FBXO4: variants seen among roughly 807,000 people sequenced by gnomAD.
FBXO4 encodes the protein F-box only protein 4.
In FBXO4, 36 loss-of-function variants were observed where a neutral mutation model predicts 43.7. The observed-to-expected ratio is 0.82, with a 90% CI of 0.63 to 1.09. FBXO4 has a LOEUF of 1.09. FBXO4 is among the 50% of genes least tolerant of loss of function. FBXO4 has a pLI of 0.00. For missense variants in FBXO4, 435 were observed against 474.1 expected (o/e 0.92, Z 0.77); for synonymous variants, 180 against 165.6 (o/e 1.09, Z -0.67).
intron 5 of FBXO4, among the ~76,000 whole-genome samples, chr5:41,936,036 A>G (rs930956562): frequency 1.3e-5 from 2 of 152,262 alleles, no homozygotes; most frequent in East Asian, 1.9e-4. Context: ...TACTGCATTA[A>G]TACCCTGACC....
the FBXO4 span, among the ~76,000 whole-genome samples, chr5:41,981,400 A>G: frequency 6.6e-6 from 1 of 151,692 alleles, no homozygotes; most frequent in African/African-American, 2.4e-5. Flanking sequence ...TAAATGGTAA[A>G]TTAAAAAAAA....
chr5:42,023,400 C>T, the FBXO4 span, among the ~76,000 whole-genome samples: 1 of 152,062 alleles, frequency 6.6e-6, no homozygotes, highest in Non-Finnish European at 1.5e-5. Context: ...GATGATTCCT[C>T]ACAACCATCA....
chr5:42,035,978 A>G, the FBXO4 span, among the ~76,000 whole-genome samples: 3 of 152,134 alleles, frequency 2.0e-5, no homozygotes, highest in Non-Finnish European at 2.9e-5. Context: ...TCTACCCACT[A>G]TTAATTTTGT....
chr5:41,992,260 T>C, the FBXO4 span, among the ~76,000 whole-genome samples: 1 of 152,192 alleles, frequency 6.6e-6, no homozygotes, highest in Admixed American at 6.5e-5. Flanking sequence ...AAGCAGTCAA[T>C]CCAAATCCTA....
the FBXO4 span, among the ~76,000 whole-genome samples, chr5:42,032,835 T>C: frequency 4.6e-5 from 7 of 152,158 alleles, no homozygotes; most frequent in African/African-American, 1.4e-4. Context: ...GCTGGCACTG[T>C]GCTGAGTCTC....
At chr5:42,017,076 A>G in the FBXO4 span, among the ~76,000 whole-genome samples, 1 of 152,078 alleles carries the variant, frequency 6.6e-6, no homozygotes, top group Admixed American at 6.6e-5. Flanking sequence ...TTCTTTTATT[A>G]TAGTATATCG....
rs770006829 is a variant in FBXO4 at position 41,934,303 on chromosome 5, A to C, written c.893A>C (p.His298Pro). 2.5e-6 allele frequency: 4 copies of C among 1,613,880 alleles called. No individual in the cohort carries two copies. The African/African-American group carries it at 4.0e-5, about 16-fold the overall frequency. The change falls in exon 5 of 7, where the codon CAT becomes CCT. Residue 298 changes from histidine (H) to proline (P), a missense_variant. Coordinates refer to ENST00000281623, the MANE Select transcript of FBXO4 (RefSeq NM_012176.3). ...ATCTATGTTGCAAATGCTGAAGCTC[A>C]TAAAAGTAAGTACTCATATGTACAT... is the stretch of plus-strand genomic sequence containing the variant. Reference protein sequence around the residue: ...GFIYVANAEAHKRHEWQDEFS... With the variant: ...GFIYVANAEAPKRHEWQDEFS...
At chr5:41,994,453 C>A in the FBXO4 span, among the ~76,000 whole-genome samples, 793 of 152,260 alleles carry the variant, frequency 5.2e-3, 9 homozygotes, top group African/African-American at 0.018. Context: ...TTCCCTTTGC[C>A]TTCAGCAAGC....
At chr5:41,985,063 C>A in the FBXO4 span, among the ~76,000 whole-genome samples, 2 of 152,176 alleles carry the variant, frequency 1.3e-5, no homozygotes, top group Non-Finnish European at 2.9e-5. Flanking sequence ...GATTGGACAA[C>A]AAAATCCTCT....
At chr5:41,925,643 C>A in intron 1 of FBXO4, 145 bp downstream of exon 1, 1 of 534,398 alleles carries the variant, frequency 1.9e-6, no homozygotes, top group Non-Finnish European at 2.9e-6. Flanking sequence ...GCAGTGTAGT[C>A]ACCGAGAAGC....
the FBXO4 span, among the ~76,000 whole-genome samples, chr5:42,027,283 T>C: frequency 2.0e-5 from 3 of 151,746 alleles, no homozygotes; most frequent in Non-Finnish European, 4.4e-5. Flanking sequence ...GTAGGTTGTA[T>C]GTATCTAAGA....
the FBXO4 span, among the ~76,000 whole-genome samples, chr5:41,954,116 TTCAATATAAAAG>T: frequency 2.3e-4 from 35 of 152,332 alleles, no homozygotes; most frequent in East Asian, 6.6e-3. Context: ...TATCAGGTTC[TTCAATATAAAAG>T]TCAAATAATT....
At chr5:41,935,295 A>G (rs1751820571) in intron 5 of FBXO4, among the ~76,000 whole-genome samples, 1 of 152,214 alleles carries the variant, frequency 6.6e-6, no homozygotes, top group Non-Finnish European at 1.5e-5. Context: ...GGCCTCTACT[A>G]GGTGCTCATG....
the FBXO4 span, among the ~76,000 whole-genome samples, chr5:42,017,018 A>C: frequency 6.6e-6 from 1 of 152,216 alleles, no homozygotes; most frequent in East Asian, 1.9e-4. Flanking sequence ...AGATGATATT[A>C]GTCTTTTCCT....
chr5:41,956,714 T>TC, the FBXO4 span, among the ~76,000 whole-genome samples: 2 of 143,478 alleles, frequency 1.4e-5, no homozygotes, highest in African/African-American at 2.6e-5. Context: ...TTCTTCTTCT[T>TC]TTTTTTTTTT....
downstream of FBXO4, among the ~76,000 whole-genome samples, chr5:41,943,289 T>C (rs1350749064): frequency 6.6e-6 from 1 of 152,136 alleles, no homozygotes; most frequent in Non-Finnish European, 1.5e-5. Context: ...ATTAGCATTA[T>C]CCAGGGATGA....
chr5:41,953,691 A>G, the FBXO4 span, among the ~76,000 whole-genome samples: 1 of 151,670 alleles, frequency 6.6e-6, no homozygotes, highest in Non-Finnish European at 1.5e-5. Context: ...TTGCCATTCT[A>G]ACTGGTGTGA....
At chr5:41,973,801 A>C in the FBXO4 span, among the ~76,000 whole-genome samples, 1 of 152,220 alleles carries the variant, frequency 6.6e-6, no homozygotes, top group Admixed American at 6.5e-5. Flanking sequence ...CTATTAATAC[A>C]TAATGGGTTG....
the FBXO4 span, chr5:41,968,464 T>A: frequency 6.6e-6 from 1 of 152,430 alleles, no homozygotes; most frequent in South Asian, 2.1e-4. Context: ...AAGGTGGAAT[T>A]TTTTACAAAA....
Sources: allele counts gnomAD v4.1 joint callset (sites outside exome capture counted in the v4.1 genomes callset), GRCh38; gene constraint gnomAD v4.1.1; transcripts MANE v1.5; gene names NCBI Gene and HGNC (gene_info 2026-07-23, HGNC 2026-07-21).